Variants in NTM observed in about 807,000 individuals in gnomAD.
NTM encodes the protein neurotrimin.
NTM carries 13 observed loss-of-function variants against 42.1 expected under a neutral mutation model. The ratio of observed to expected loss-of-function variants is 0.31; its 90% CI spans 0.20 to 0.49. NTM has a LOEUF of 0.49. Ranked by LOEUF, NTM falls within the 20% of genes least tolerant of loss-of-function variation. The pLI is 0.99. For synonymous variants in NTM, 187 were observed against 179.2 expected (o/e 1.04, Z -0.35); for missense variants, 373 against 452.8 (o/e 0.82, Z 1.60).
At chr11:132,130,614 C>A (rs1377807255) in intron 2 of NTM, among the ~76,000 whole-genome samples, 1 of 152,060 alleles carries the variant, frequency 6.6e-6, no homozygotes, top group Non-Finnish European at 1.5e-5. Context: ...ATTGGCATCC[C>A]TGCCTTCACA....
intron 1 of NTM, among the ~76,000 whole-genome samples, chr11:131,753,708 C>A (rs1206431267): frequency 6.6e-6 from 1 of 151,234 alleles, no homozygotes; most frequent in African/African-American, 2.4e-5. Flanking sequence ...CACATGGACA[C>A]AGGAAGGGGA....
intron 1 of NTM, among the ~76,000 whole-genome samples, chr11:131,596,852 G>A (rs545463610): frequency 1.3e-5 from 2 of 152,208 alleles, no homozygotes; most frequent in Middle Eastern, 6.8e-3. Flanking sequence ...TAACTCACAC[G>A]ATCACAAGGT....
At chr11:131,877,199 G>A (rs1044229134) in intron 1 of NTM, among the ~76,000 whole-genome samples, 3 of 152,134 alleles carry the variant, frequency 2.0e-5, no homozygotes, top group Admixed American at 2.0e-4. Context: ...TGCTGTGCTG[G>A]GATTGTGCCC....
At chr11:131,665,623 T>C (rs1318569181) in intron 1 of NTM, among the ~76,000 whole-genome samples, 1 of 152,220 alleles carries the variant, frequency 6.6e-6, no homozygotes, top group Non-Finnish European at 1.5e-5. Context: ...ATCTTGAACT[T>C]CTAACCTGCA....
intron 1 of NTM, among the ~76,000 whole-genome samples, chr11:131,704,854 A>G (rs982622390): frequency 6.6e-6 from 1 of 152,232 alleles, no homozygotes; most frequent in Non-Finnish European, 1.5e-5. Context: ...GAACTTCAAC[A>G]ACAGATTTGA....
At chr11:131,401,293 G>A (rs1416206936) in intron 1 of NTM, among the ~76,000 whole-genome samples, 1 of 152,066 alleles carries the variant, frequency 6.6e-6, no homozygotes, top group Non-Finnish European at 1.5e-5. Context: ...CATTTGAGAA[G>A]GTGTCTTTTT....
intron 3 of NTM, among the ~76,000 whole-genome samples, chr11:132,197,152 G>T (rs1021831524): frequency 6.6e-6 from 1 of 152,128 alleles, no homozygotes; most frequent in East Asian, 1.9e-4. Flanking sequence ...TGACATTAAG[G>T]AGGAGTAGCC....
chr11:131,461,696 T>A (rs938029194), intron 1 of NTM, among the ~76,000 whole-genome samples: 1 of 73,654 alleles, frequency 1.4e-5, no homozygotes, highest in Non-Finnish European at 2.2e-5. Flanking sequence ...TCTTAAGTAT[T>A]TTTACCACAA....
At chr11:131,385,376 C>A (rs943271070) in intron 1 of NTM, 5 of 152,188 alleles carry the variant, frequency 3.3e-5, no homozygotes. Context: ...TATCACTAGT[C>A]ATTAGGGAAC....
At chr11:131,499,568 T>A (rs1033373060) in intron 1 of NTM, among the ~76,000 whole-genome samples, 1 of 152,202 alleles carries the variant, frequency 6.6e-6, no homozygotes, top group African/African-American at 2.4e-5. Flanking sequence ...TCGGATCATA[T>A]CATTTTTTCC....
At chr11:131,517,285 C>T (rs2049011618) in intron 1 of NTM, among the ~76,000 whole-genome samples, 1 of 152,146 alleles carries the variant, frequency 6.6e-6, no homozygotes, top group African/African-American at 2.4e-5. Flanking sequence ...AATCTGGCTG[C>T]CTGAATCAGA....
chr11:131,867,664 G>A (rs113906807), intron 1 of NTM, among the ~76,000 whole-genome samples: 3,602 of 152,116 alleles, frequency 0.024, 121 homozygotes, highest in African/African-American at 0.08. Context: ...GTATAACCAT[G>A]TGTGCATTTC....
chr11:131,750,401 T>A (rs987695032), intron 1 of NTM, among the ~76,000 whole-genome samples: 6 of 152,078 alleles, frequency 3.9e-5, no homozygotes, highest in African/African-American at 1.4e-4. Context: ...CTCACCTCCT[T>A]CCCCAGAGCT....
At chr11:131,711,987 T>C (rs1333412114) in intron 1 of NTM, among the ~76,000 whole-genome samples, 1 of 43,514 alleles carries the variant, frequency 2.3e-5, no homozygotes, top group Non-Finnish European at 4.0e-5. Context: ...TGTGGTGGGG[T>C]GGGGGGAGGG....
chr11:131,980,871 A>G (rs1174946712), intron 2 of NTM, among the ~76,000 whole-genome samples: 1 of 152,236 alleles, frequency 6.6e-6, no homozygotes. Context: ...CTTTGTGAGT[A>G]GCCCCTGCCT....
chr11:131,694,340 T>G (rs1490574028), intron 1 of NTM, among the ~76,000 whole-genome samples: 1 of 152,234 alleles, frequency 6.6e-6, no homozygotes, highest in Non-Finnish European at 1.5e-5. Flanking sequence ...CAACATTTAT[T>G]CAGTCTCCAC....
intron 1 of NTM, among the ~76,000 whole-genome samples, chr11:131,525,456 C>G (rs188893618): frequency 6.6e-5 from 10 of 152,294 alleles, no homozygotes; most frequent in Admixed American, 5.2e-4. Context: ...CAGAAGATAG[C>G]TAGTGCTTCT....
chr11:132,139,034 G>A (rs899792930), intron 2 of NTM, among the ~76,000 whole-genome samples: 3 of 152,194 alleles, frequency 2.0e-5, no homozygotes, highest in East Asian at 1.9e-4. Flanking sequence ...GGAGTCCAGC[G>A]TGAATTCCCA....
intron 1 of NTM, among the ~76,000 whole-genome samples, chr11:131,764,030 A>G (rs1165210811): frequency 2.6e-5 from 4 of 152,072 alleles, no homozygotes; most frequent in African/African-American, 7.2e-5. Flanking sequence ...ACATTTGGTG[A>G]TAGATTTATG....
Sources: allele counts gnomAD v4.1 joint callset (sites outside exome capture counted in the v4.1 genomes callset), GRCh38; gene constraint gnomAD v4.1.1; transcripts MANE v1.5; gene names NCBI Gene and HGNC (gene_info 2026-07-23, HGNC 2026-07-21).